The following TNIK variants were observed in gnomAD, a reference collection of about 807,000 sequenced individuals.
TNIK encodes TRAF2 and NCK interacting kinase, also known as TRAF2 and NCK-interacting protein kinase.
A neutral mutation model predicts 191.3 loss-of-function variants in TNIK; 49 were observed. That is an observed-to-expected ratio of 0.26 (90% CI 0.20 to 0.32). The LOEUF is 0.32. Ranked by LOEUF, TNIK falls within the 10% of genes least tolerant of loss-of-function variation. TNIK has a pLI of 1.00. For missense variants in TNIK, 1,155 were observed against 1,702.3 expected (o/e 0.68, Z 5.66); for synonymous variants, 594 against 600.9 (o/e 0.99, Z 0.17).
At chr3:171,445,374 G>A (rs1006785780) in intron 1 of TNIK, among the ~76,000 whole-genome samples, 1 of 150,550 alleles carries the variant, frequency 6.6e-6, no homozygotes, top group South Asian at 2.1e-4. Context: ...AGCTGAGATC[G>A]CACCACTGGA....
intron 1 of TNIK, among the ~76,000 whole-genome samples, chr3:171,407,474 T>G (rs980992758): frequency 1.1e-4 from 16 of 152,324 alleles, no homozygotes; most frequent in East Asian, 3.9e-4. Flanking sequence ...TTACCACTAT[T>G]AAAATGATGT....
chr3:171,340,578 C>T (rs550264056), intron 2 of TNIK, among the ~76,000 whole-genome samples: 2 of 152,298 alleles, frequency 1.3e-5, no homozygotes, highest in Admixed American at 1.3e-4. Flanking sequence ...CTGCATCGTG[C>T]CTTGTTGATT....
intron 1 of TNIK, among the ~76,000 whole-genome samples, chr3:171,452,841 C>T (rs1477107566): frequency 6.6e-6 from 1 of 151,918 alleles, no homozygotes; most frequent in Non-Finnish European, 1.5e-5. Context: ...ATGGAGAGAA[C>T]ACTTTCCTTG....
At chr3:171,177,183 G>T in intron 8 of TNIK, 143 bp downstream of exon 8, 2 of 646,168 alleles carry the variant, frequency 3.1e-6, no homozygotes, top group Non-Finnish European at 4.7e-6. Context: ...GATTTAAGAT[G>T]ACTCTGCTTT....
intron 12 of TNIK, among the ~76,000 whole-genome samples, chr3:171,141,165 A>G (rs565979128): frequency 6.6e-6 from 1 of 152,312 alleles, no homozygotes; most frequent in South Asian, 2.1e-4. Flanking sequence ...CATCGTCATC[A>G]CCTCATACAA....
intron 1 of TNIK, among the ~76,000 whole-genome samples, chr3:171,381,140 C>T (rs1717973640): frequency 6.6e-6 from 1 of 151,882 alleles, no homozygotes. Context: ...ATTAGTTTTG[C>T]AAGGCAGATA....
intron 18 of TNIK, among the ~76,000 whole-genome samples, chr3:171,117,392 C>A (rs557079675): frequency 6.6e-6 from 1 of 152,086 alleles, no homozygotes. Flanking sequence ...CCACTTACTA[C>A]TTTTGTCACC....
intron 2 of TNIK, among the ~76,000 whole-genome samples, chr3:171,312,160 T>C: frequency 7.1e-6 from 1 of 140,090 alleles, no homozygotes; most frequent in East Asian, 2.0e-4. Flanking sequence ...CTGGCATATC[T>C]GATTTTAAAA....
intron 2 of TNIK, among the ~76,000 whole-genome samples, chr3:171,354,509 C>A (rs1424825196): frequency 6.6e-6 from 1 of 152,136 alleles, no homozygotes; most frequent in Non-Finnish European, 1.5e-5. Flanking sequence ...GTGTCCTTAC[C>A]CTTGGGCTTC....
chr3:171,242,107 A>G (rs1016475285), intron 2 of TNIK, among the ~76,000 whole-genome samples: 2 of 151,692 alleles, frequency 1.3e-5, no homozygotes, highest in African/African-American at 2.4e-5. Flanking sequence ...TGGCACATGT[A>G]TATATATGTA....
intron 9 of TNIK, among the ~76,000 whole-genome samples, chr3:171,172,142 A>C (rs952343822): frequency 2.7e-5 from 4 of 148,282 alleles, no homozygotes; most frequent in Non-Finnish European, 5.9e-5. Flanking sequence ...GTTAAAAAAC[A>C]AAAAAAAAGT....
intron 2 of TNIK, among the ~76,000 whole-genome samples, chr3:171,340,364 T>A (rs1252160083): frequency 6.6e-6 from 1 of 152,206 alleles, no homozygotes; most frequent in Non-Finnish European, 1.5e-5. Flanking sequence ...GATATGACAA[T>A]CCCTTGACAA....
chr3:171,336,024 T>C (rs1399552260), intron 2 of TNIK, among the ~76,000 whole-genome samples: 1 of 152,160 alleles, frequency 6.6e-6, no homozygotes, highest in Non-Finnish European at 1.5e-5. Flanking sequence ...ATGACCGATG[T>C]TAAGTATCTT....
At chr3:171,386,516 T>C (rs977872618) in intron 1 of TNIK, among the ~76,000 whole-genome samples, 5 of 152,208 alleles carry the variant, frequency 3.3e-5, no homozygotes, top group Admixed American at 6.5e-5. Context: ...CAGTTTCCTC[T>C]TCTTTACCCA....
intron 1 of TNIK, among the ~76,000 whole-genome samples, chr3:171,416,375 G>A (rs544512981): frequency 2.2e-4 from 33 of 152,040 alleles, no homozygotes; most frequent in Admixed American, 1.7e-3. Context: ...GGCATTCTAC[G>A]AGACAACTGG....
chr3:171,216,904 A>C (rs985259156), intron 3 of TNIK, among the ~76,000 whole-genome samples: 1 of 152,126 alleles, frequency 6.6e-6, no homozygotes, highest in Non-Finnish European at 1.5e-5. Context: ...CGAGTTGTCT[A>C]AGTCCCTACC....
At chr3:171,135,209 A>G (rs1423758634) in intron 15 of TNIK, among the ~76,000 whole-genome samples, 1 of 152,258 alleles carries the variant, frequency 6.6e-6, no homozygotes, top group Non-Finnish European at 1.5e-5. Context: ...TGAAACGTGT[A>G]TTACTACTTG....
chr3:171,125,767 G>T, intron 17 of TNIK, 145 bp downstream of exon 17: 2 of 1,240,240 alleles, frequency 1.6e-6, no homozygotes, highest in Non-Finnish European at 2.2e-6. Context: ...CTTAGCCAGG[G>T]AATGAAGAGG....
chr3:171,084,027 A>C lies in TNIK; in HGVS notation c.3169+128T>G, dbSNP rs61212471. 10,275 of 1,228,540 alleles carry C rather than the reference A, an allele frequency of 8.4e-3. 393 individuals carry two copies. The African/African-American group carries it at 0.093, about 11-fold the overall frequency. The allele number at this position is 1,228,540 out of a possible 1,614,324, so 76.1% of individuals were successfully genotyped here. On this transcript the variant is annotated intron_variant, in intron 26 of 32. Coordinates refer to ENST00000436636, the MANE Select transcript of TNIK (RefSeq NM_015028.4). ...CCTGAGGTCAAGATAGTCCCAAGTTAGGTCTCTAATACCCAGGATTCAACC... is the reference window on the plus strand; with the variant it reads ...CCTGAGGTCAAGATAGTCCCAAGTTCGGTCTCTAATACCCAGGATTCAACC...
Sources: gnomAD v4.1 joint callset for allele counts (sites outside exome capture counted in the v4.1 genomes callset) on GRCh38, gnomAD v4.1.1 for gene constraint, MANE v1.5 for transcripts, NCBI Gene and HGNC (gene_info 2026-07-23, HGNC 2026-07-21) for gene names.